IARS1: variants seen among roughly 807,000 people sequenced by gnomAD.
IARS1 encodes isoleucine--tRNA ligase, cytoplasmic.
Under a neutral mutation model 168.2 loss-of-function variants are expected in IARS1, and 124 were observed. The ratio of observed to expected loss-of-function variants is 0.74; its 90% CI spans 0.64 to 0.86. The LOEUF is 0.86. Ranked by LOEUF, IARS1 falls within the 40% of genes least tolerant of loss-of-function variation. The pLI is 0.00. For missense variants in IARS1, 1,452 were observed against 1,515.8 expected (o/e 0.96, Z 0.70); for synonymous variants, 532 against 529.4 (o/e 1.00, Z -0.07).
chr9:92,228,978 G>A (rs1355516939), intron 31 of IARS1, 23 bp downstream of exon 31: 2 of 1,613,448 alleles, frequency 1.2e-6, no homozygotes, highest in East Asian at 2.2e-5. Context: ...AAAGGACGTA[G>A]GCTCCTCTCA....
At chr9:92,240,170 T>C (rs1828160541) in intron 30 of IARS1, 1 of 156,052 alleles carries the variant, frequency 6.4e-6, no homozygotes, top group African/African-American at 2.4e-5. Context: ...CCAGGGTGTT[T>C]AGATGTATTT....
intron 33 of IARS1, among the ~76,000 whole-genome samples, chr9:92,219,021 A>G (rs1839240618): frequency 6.6e-6 from 1 of 152,202 alleles, no homozygotes; most frequent in Non-Finnish European, 1.5e-5. Context: ...ACTTCAAACT[A>G]TACTACAAGG....
chr9:92,236,988 G>C (rs1827642256), intron 30 of IARS1, among the ~76,000 whole-genome samples: 1 of 152,148 alleles, frequency 6.6e-6, no homozygotes, highest in East Asian at 1.9e-4. Flanking sequence ...TAATTTTGCT[G>C]AATTTTTGGG....
intron 20 of IARS1, among the ~76,000 whole-genome samples, 195 bp from the exon 21 acceptor site, chr9:92,253,648 T>C (rs2133732271): frequency 6.6e-6 from 1 of 152,254 alleles, no homozygotes; most frequent in Middle Eastern, 3.4e-3. Context: ...TCAGAGTGTT[T>C]AGGGGTGCAC....
intron 6 of IARS1, among the ~76,000 whole-genome samples, chr9:92,282,220 T>C (rs1834693535): frequency 6.6e-6 from 1 of 152,178 alleles, no homozygotes; most frequent in Non-Finnish European, 1.5e-5. Context: ...TGGTAAAAGG[T>C]TAACATTTAG....
chr9:92,211,034 C>T (rs1837658570), intron 33 of IARS1, 145 bp from the exon 34 acceptor site: 4 of 606,212 alleles, frequency 6.6e-6, no homozygotes, highest in Non-Finnish European at 1.2e-5. Flanking sequence ...TGAGGTGAAC[C>T]TCTAAATCCT....
At chr9:92,259,584 G>A (rs777974696) in intron 18 of IARS1, among the ~76,000 whole-genome samples, 3 of 152,204 alleles carry the variant, frequency 2.0e-5, no homozygotes, top group Non-Finnish European at 4.4e-5. Context: ...GAGGTACTGT[G>A]TGAAGGTGCT....
At chr9:92,222,405 A>G (rs1839804143) in intron 33 of IARS1, 115 bp downstream of exon 33, 3 of 647,422 alleles carry the variant, frequency 4.6e-6, no homozygotes, top group Admixed American at 6.1e-5. Flanking sequence ...TGGGGAAAGA[A>G]TAACAAAACA....
chr9:92,274,653 GAAT>G (rs1451165054), intron 9 of IARS1, 132 bp from the exon 10 acceptor site: 16 of 590,040 alleles, frequency 2.7e-5, no homozygotes, highest in African/African-American at 5.5e-5. Flanking sequence ...AGAAAAGAAA[GAAT>G]AATGCAGGCT....
At chr9:92,251,518 G>T (rs1050281084) in intron 22 of IARS1, among the ~76,000 whole-genome samples, 1 of 152,086 alleles carries the variant, frequency 6.6e-6, no homozygotes, top group Non-Finnish European at 1.5e-5. Context: ...ATTAAGATGA[G>T]GTATGTCTTA....
intron 6 of IARS1, among the ~76,000 whole-genome samples, chr9:92,282,023 C>A (rs75299178): frequency 1.1e-4 from 16 of 149,056 alleles, no homozygotes; most frequent in East Asian, 9.9e-4. Context: ...CAAGCAGAAC[C>A]CAATAAGATC....
chr9:92,289,402 T>A lies in IARS1; in HGVS notation c.18A>T (p.Pro6=). The A allele has an allele frequency of 6.5e-7, 1 of 1,543,370 alleles. No homozygotes were observed. Among genetic ancestry groups the A allele is most frequent in the Non-Finnish European group, 8.9e-7 (1 of 1,118,660 alleles). Residue 6 remains proline (P), a synonymous_variant, in exon 2 of 34, where the codon CCA becomes CCT. Coordinates refer to ENST00000443024, the MANE Select transcript of IARS1 (RefSeq NM_002161.6). ...CTTCAGCAGGAAAATTTATGTTTTC[T>A]GGAACTTGTTGAAGCATTTTGTTGC... The part of the protein sequence containing the change: MLQQV[P]ENINFPAEEE...
chr9:92,221,200 A>C (rs1839622156), intron 33 of IARS1, among the ~76,000 whole-genome samples: 1 of 152,208 alleles, frequency 6.6e-6, no homozygotes, highest in Admixed American at 6.5e-5. Context: ...GGAAAATAGG[A>C]AAAGAGAATA....
intron 30 of IARS1, 105 bp from the exon 31 acceptor site, chr9:92,229,231 T>A: frequency 8.7e-7 from 1 of 1,153,088 alleles, no homozygotes; most frequent in Non-Finnish European, 1.2e-6. Flanking sequence ...CCTAATATTT[T>A]TCCTTTTCCC....
intron 30 of IARS1, among the ~76,000 whole-genome samples, chr9:92,237,342 TTTCA>T: frequency 6.6e-6 from 1 of 152,282 alleles, no homozygotes; most frequent in South Asian, 2.1e-4. Context: ...GTGTGGAGAT[TTTCA>T]TTATTATATT....
chr9:92,217,287 A>C (rs973835545), intron 33 of IARS1, among the ~76,000 whole-genome samples: 6 of 149,868 alleles, frequency 4.0e-5, no homozygotes, highest in African/African-American at 1.5e-4. Context: ...TGTAGAGGGA[A>C]ATTTATAGCA....
At chr9:92,242,384 C>A in intron 28 of IARS1, 54 bp from the exon 29 acceptor site, 3 of 1,423,164 alleles carry the variant, frequency 2.1e-6, no homozygotes, top group African/African-American at 1.4e-5. Flanking sequence ...TTAATCAGAA[C>A]TGAAGGAAGG....
intron 9 of IARS1, 76 bp downstream of exon 9, chr9:92,277,787 T>C: frequency 8.1e-7 from 1 of 1,229,956 alleles, no homozygotes; most frequent in Non-Finnish European, 1.2e-6. Context: ...TAATGTCAAT[T>C]CCACTTCTCA....
At chr9:92,216,445 A>G (rs1267499822) in intron 33 of IARS1, among the ~76,000 whole-genome samples, 1 of 141,936 alleles carries the variant, frequency 7.0e-6, no homozygotes, top group African/African-American at 2.6e-5. Flanking sequence ...ATGTAAATGG[A>G]CTAAATGCTC....
Sources: allele counts gnomAD v4.1 joint callset (sites outside exome capture counted in the v4.1 genomes callset), GRCh38; gene constraint gnomAD v4.1.1; transcripts MANE v1.5; gene names NCBI Gene and HGNC (gene_info 2026-07-23, HGNC 2026-07-21).